RORB: variants seen among roughly 807,000 people sequenced by gnomAD.
RORB encodes RAR related orphan receptor B.
Under a neutral mutation model 59.1 loss-of-function variants are expected in RORB, and 6 were observed. That is an observed-to-expected ratio of 0.10 (90% CI 0.06 to 0.20). The LOEUF (loss-of-function observed/expected upper bound fraction) is 0.20, where lower values mean the gene tolerates loss of function less well. RORB is among the 10% of genes least tolerant of loss of function. The pLI is 1.00. For missense variants in RORB, 320 were observed against 560.5 expected, an observed-to-expected ratio of 0.57 and a Z score of 4.33; for synonymous variants, 215 against 204.5, an observed-to-expected ratio of 1.05 and a Z score of -0.44.
intron 3 of RORB, among the ~76,000 whole-genome samples, chr9:74,640,305 G>A (rs1823778530): frequency 6.6e-6 from 1 of 152,008 alleles, no homozygotes; most frequent in African/African-American, 2.4e-5. Context: ...CAGTGGCTCA[G>A]TCTCGGCTCA....
intron 1 of RORB, among the ~76,000 whole-genome samples, chr9:74,627,238 G>T (rs1823535455): frequency 1.3e-5 from 2 of 150,984 alleles, no homozygotes; most frequent in African/African-American, 4.9e-5. Context: ...AAAATGAAAA[G>T]AATTAGTATT....
At position 74,626,141 on chromosome 9, in the gene RORB, G is replaced by A. The variant is rs115184898; in HGVS notation, c.8-4141G>A. 6.2e-3 allele frequency among the ~76,000 whole-genome samples: 939 copies of A among 152,156 alleles called. 14 individuals are homozygous for A. Among genetic ancestry groups the A allele is most frequent in the African/African-American group, 0.022 (902 of 41,514 alleles). On this transcript the variant is annotated intron_variant, in intron 1 of 9. Coordinates refer to ENST00000376896, the MANE Select transcript of RORB (RefSeq NM_006914.4). ...GTTGTGGCAGGGAACTCTAAACAAAGAAGGGGTTTTCAGGGGGAGCTTGGG... is the reference window on the plus strand; with the variant it reads ...GTTGTGGCAGGGAACTCTAAACAAAAAAGGGGTTTTCAGGGGGAGCTTGGG...
chr9:74,652,726 A>G (rs957583323), intron 4 of RORB, among the ~76,000 whole-genome samples: 3 of 152,220 alleles, frequency 2.0e-5, no homozygotes, highest in Non-Finnish European at 2.9e-5. Context: ...AGTTGGCAAT[A>G]GAATTTGCAT....
rs151263432 is a variant in RORB at position 74,647,385 on chromosome 9, G to A, written c.637+4570G>A. ...AAGTGATTGGCAATGTATCTACAAC[G>A]TCTCAGACAACAAGACAATTGAAAC... On this transcript the variant is annotated intron_variant, in intron 4 of 9. Coordinates refer to ENST00000376896, the MANE Select transcript of RORB (RefSeq NM_006914.4). Among the ~76,000 whole-genome samples the A allele has an allele frequency of 3.1e-3, 469 of 152,198 alleles. 3 individuals are homozygous for A. The highest frequency in any genetic ancestry group is 1.4e-3 in the East Asian group (7 of 5,180).
chr9:74,642,302 C>T, intron 3 of RORB, 112 bp from the exon 4 acceptor site: 1 of 1,043,110 alleles, frequency 9.6e-7, no homozygotes, highest in Admixed American at 2.3e-5. Context: ...TGGTGCTAGA[C>T]ATTTGTGCAT....
chr9:74,509,804 G>A (rs1025241582), intron 1 of RORB, among the ~76,000 whole-genome samples: 1 of 151,958 alleles, frequency 6.6e-6, no homozygotes, highest in East Asian at 1.9e-4. Flanking sequence ...TCTTAAGGAA[G>A]GAACCTTGAC....
chr9:74,679,486 A>G lies in RORB; in HGVS notation c.1225-5977A>G, dbSNP rs112198001. Among the ~76,000 whole-genome samples, 753 of 152,296 alleles carry G rather than the reference A, an allele frequency of 4.9e-3. 5 individuals carry two copies. Among genetic ancestry groups the G allele is most frequent in the African/African-American group, 0.017 (726 of 41,566 alleles). ...AGGCAAAATTATAGAAAACAGTTCA[A>G]CAGATCCCCCAAGTTTTTAAATTTC... On this transcript the variant is annotated intron_variant, in intron 9 of 9. Coordinates refer to ENST00000376896, the MANE Select transcript of RORB (RefSeq NM_006914.4).
intron 1 of RORB, among the ~76,000 whole-genome samples, chr9:74,504,629 T>C (rs1319092768): frequency 6.6e-6 from 1 of 152,088 alleles, no homozygotes; most frequent in Non-Finnish European, 1.5e-5. Context: ...TGATTAGTTA[T>C]GATATCATGT....
At chr9:74,514,666 A>G (rs1262748185) in intron 1 of RORB, among the ~76,000 whole-genome samples, 1 of 148,306 alleles carries the variant, frequency 6.7e-6, no homozygotes, top group Admixed American at 6.8e-5. Flanking sequence ...TTTATATAAT[A>G]TATATTTAAT....
chr9:74,505,718 T>G (rs1270565551), intron 1 of RORB, among the ~76,000 whole-genome samples: 1 of 152,122 alleles, frequency 6.6e-6, no homozygotes, highest in Non-Finnish European at 1.5e-5. Context: ...TCCATTAAAT[T>G]ACTGTTAGTT....
chr9:74,533,191 A>G (rs1826273653), intron 1 of RORB, among the ~76,000 whole-genome samples: 1 of 151,982 alleles, frequency 6.6e-6, no homozygotes, highest in South Asian at 2.1e-4. Flanking sequence ...TTCGTTTTAT[A>G]GAATTATCTC....
At chr9:74,537,971 C>A (rs536603716) in intron 1 of RORB, among the ~76,000 whole-genome samples, 1 of 152,230 alleles carries the variant, frequency 6.6e-6, no homozygotes, top group East Asian at 1.9e-4. Flanking sequence ...TCCAGAGAAA[C>A]TTCCAGTCCT....
At chr9:74,621,478 T>C (rs757201461) in intron 1 of RORB, among the ~76,000 whole-genome samples, 8 of 152,236 alleles carry the variant, frequency 5.3e-5, no homozygotes, top group Non-Finnish European at 8.8e-5. Context: ...AGTTGGTTTG[T>C]CTGTTCACCT....
At chr9:74,626,820 G>A (rs1002393847) in intron 1 of RORB, among the ~76,000 whole-genome samples, 1 of 152,192 alleles carries the variant, frequency 6.6e-6, no homozygotes, top group Admixed American at 6.5e-5. Context: ...AATGGGATTT[G>A]TTGTTCTAAT....
At chr9:74,616,673 T>C (rs1823317636) in intron 1 of RORB, among the ~76,000 whole-genome samples, 1 of 152,214 alleles carries the variant, frequency 6.6e-6, no homozygotes, top group South Asian at 2.1e-4. Flanking sequence ...AACGTCTATG[T>C]ACTTAATCCT....
intron 3 of RORB, among the ~76,000 whole-genome samples, chr9:74,636,071 A>G (rs1451526399): frequency 6.7e-6 from 1 of 148,830 alleles, no homozygotes; most frequent in African/African-American, 2.5e-5. Context: ...TTTTTGTTTT[A>G]CTTGTTTTAC....
intron 1 of RORB, among the ~76,000 whole-genome samples, chr9:74,562,479 A>C (rs1822409326): frequency 6.6e-6 from 1 of 152,178 alleles, no homozygotes; most frequent in Non-Finnish European, 1.5e-5. Context: ...ATCTCATCTG[A>C]GACCAGAGGT....
chr9:74,519,667 A>G (rs1826056364), intron 1 of RORB, among the ~76,000 whole-genome samples: 1 of 151,924 alleles, frequency 6.6e-6, no homozygotes, highest in African/African-American at 2.4e-5. Flanking sequence ...GCGCTGCCCA[A>G]ATCATCTTTA....
chr9:74,642,401 C>T lies in RORB; in HGVS notation c.236-13C>T. On this transcript the variant is annotated splice_polypyrimidine_tract_variant and intron_variant, in intron 3 of 9. Transcript: ENST00000376896. The stretch of plus-strand genomic sequence containing the variant: ...ACCACAAGTGCTGTTTTCTGCTTTT[C>T]TCTCCAACCCAGCTGTGAAGTTTGG... The T allele has an allele frequency of 1.9e-6, 3 of 1,591,798 alleles. No individual in the cohort carries two copies. The highest frequency in any genetic ancestry group is 1.1e-5 in the South Asian group (1 of 87,918).
Sources: allele counts gnomAD v4.1 joint callset (sites outside exome capture counted in the v4.1 genomes callset), GRCh38; gene constraint gnomAD v4.1.1; transcripts MANE v1.5; gene names NCBI Gene and HGNC (gene_info 2026-07-23, HGNC 2026-07-21).